Variants in SHC2 observed in about 807,000 individuals in gnomAD.
The protein encoded by SHC2 is SHC-transforming protein 2.
A neutral mutation model predicts 60.6 loss-of-function variants in SHC2; 62 were observed. The ratio of observed to expected loss-of-function variants is 1.02; its 90% confidence interval spans 0.83 to 1.26. The LOEUF is 1.26. Ranked by LOEUF, SHC2 falls within the 50% of genes most tolerant of loss-of-function variation. The probability of loss-of-function intolerance (pLI) is 0.00; values close to 1 mark genes in which losing one functional copy is unlikely to be tolerated. For missense variants in SHC2, 873 were observed against 822.2 expected (o/e 1.06, Z -0.76); for synonymous variants, 375 against 372.4 (o/e 1.01, Z -0.08).
rs1339771248 is a variant in SHC2 at position 440,808 on chromosome 19, G to T, written c.539+54C>A. 4 of 1,489,512 alleles carry T rather than the reference G, an allele frequency of 2.7e-6. No homozygotes were observed. The highest frequency in any genetic ancestry group is 2.8e-6 in the Non-Finnish European group (3 of 1,071,310). The allele number at this position is 1,489,512 out of a possible 1,614,324, so 92.3% of individuals were successfully genotyped here. A position where few individuals can be genotyped will look rare whatever the true frequency, so the allele number is the denominator to read the frequency against. ...ATCGCTGCCGCCCTCCAGTGCTGCC[G>T]CCCTCCAGTGCGTCACTCAGCCCTA... On this transcript the variant is annotated intron_variant, in intron 2 of 12. Transcript: ENST00000264554. This position sits in a 1 kb window ranked among gnomAD's most constrained non-coding sequence, Gnocchi z 7.0.
Position 425,017 on chromosome 19 carries a change from G to A in SHC2, c.1309+80C>T, listed in dbSNP as rs1974374446. 7.7e-7 allele frequency: 1 copy of A among 1,293,006 alleles called. No homozygotes were observed. 80.1% of individuals were successfully genotyped at this position (1,293,006 alleles called of 1,614,324 possible). A position where few individuals can be genotyped will look rare whatever the true frequency, so the allele number is the denominator to read the frequency against. On this transcript the variant is annotated intron_variant, in intron 10 of 12. Transcript: ENST00000264554. This position sits in a 1 kb window ranked among gnomAD's most constrained non-coding sequence, Gnocchi z 4.1. ...CCATCAGACCAGGGAATCCCGTAGG[G>A]AGTGGGGGTGGGGTTGTGCCTCCCC...
intron 4 of SHC2, 65 bp from the exon 5 acceptor site, chr19:436,748 T>A: frequency 6.8e-7 from 1 of 1,466,678 alleles, no homozygotes; most frequent in Non-Finnish European, 9.3e-7. Flanking sequence ...GCCCGGCAGA[T>A]GGACCAGGAC....
intron 1 of SHC2, among the ~76,000 whole-genome samples, chr19:448,584 T>C (rs1019127472): frequency 2.0e-5 from 3 of 152,182 alleles, no homozygotes; most frequent in South Asian, 2.1e-4. Context: ...ACGTGAGTTT[T>C]GGGGAACACC....
intron 1 of SHC2, among the ~76,000 whole-genome samples, chr19:455,289 T>C (rs1165104179): frequency 2.0e-5 from 3 of 152,012 alleles, no homozygotes; most frequent in Admixed American, 2.0e-4. Context: ...CCTAAAGGCA[T>C]CGCGAGTGCC....
At chr19:428,981 G>A (rs911295381) in intron 9 of SHC2, among the ~76,000 whole-genome samples, 11 of 150,516 alleles carry the variant, frequency 7.3e-5, no homozygotes, top group East Asian at 3.9e-4. Flanking sequence ...ACCTAACACC[G>A]TGTGGATGAC....
chr19:417,911 CG>C (rs1455048202), intron 12 of SHC2, among the ~76,000 whole-genome samples: 4 of 152,114 alleles, frequency 2.6e-5, no homozygotes, highest in Admixed American at 2.6e-4. Flanking sequence ...GACAGGAGAG[CG>C]GCCTGACCTG....
At chr19:435,144 C>T (rs984636140) in intron 7 of SHC2, among the ~76,000 whole-genome samples, 4 of 152,272 alleles carry the variant, frequency 2.6e-5, no homozygotes, top group Non-Finnish European at 5.9e-5. Flanking sequence ...CCTCCGGCCC[C>T]GCCCGGCAGC....
In SHC2 at chr19:440,632, G is replaced by A. The variant is rs528836608; in HGVS notation, c.539+230C>T. 1.8e-4 allele frequency among the ~76,000 whole-genome samples: 28 copies of A among 152,330 alleles called. No individual in the cohort carries two copies. Among genetic ancestry groups the A allele is most frequent in the Admixed American group, 5.9e-4 (9 of 15,298 alleles). On this transcript the variant is annotated intron_variant, in intron 2 of 12. Coordinates refer to ENST00000264554, the MANE Select transcript of SHC2 (RefSeq NM_012435.3). The surrounding 1 kb of genome is among the most constrained non-coding windows in gnomAD (Gnocchi z 7.0). Reference sequence around the variant, plus strand: ...GCCCAGCACCCTGTGAGCGACCGGCGTGTTCTTTCCATCTTAGAGGATCGA... The same window carrying A: ...GCCCAGCACCCTGTGAGCGACCGGCATGTTCTTTCCATCTTAGAGGATCGA...
intron 1 of SHC2, among the ~76,000 whole-genome samples, chr19:448,524 T>C (rs1007578166): frequency 3.3e-5 from 5 of 152,198 alleles, no homozygotes; most frequent in Admixed American, 6.5e-5. Flanking sequence ...AACTCCAGTG[T>C]GGCCTCATCT....
At chr19:443,093 G>C (rs1299627803) in intron 1 of SHC2, among the ~76,000 whole-genome samples, 1 of 149,970 alleles carries the variant, frequency 6.7e-6, no homozygotes, top group Non-Finnish European at 1.5e-5. Context: ...ATGGAGGGTG[G>C]ATGGATGGAC....
intron 1 of SHC2, among the ~76,000 whole-genome samples, chr19:455,823 C>T (rs749905137): frequency 3.3e-5 from 5 of 152,136 alleles, no homozygotes; most frequent in Admixed American, 2.6e-4. Flanking sequence ...CAGCCTCTTC[C>T]GGTCTCTCTC....
rs1367074646 is a variant in SHC2, at chr19:460,539, TAGG to T, written c.455_457del (p.Ser152del). ...GTGGGGGGGACTCACCCGCACGACG[TAGG>T]AGACCCCGGGCCCCAGGACCCTGGC... On this transcript the variant is annotated inframe_deletion, in exon 1 of 13. Coordinates refer to ENST00000264554, the MANE Select transcript of SHC2 (RefSeq NM_012435.3). 7.3e-7 allele frequency: 1 copy of T among 1,375,904 alleles called. No homozygotes were observed. The highest frequency in any genetic ancestry group is 1.5e-5 in the African/African-American group (1 of 65,530). 85.2% of individuals were successfully genotyped at this position (1,375,904 alleles called of 1,614,324 possible). A position where few individuals can be genotyped will look rare whatever the true frequency, so the allele number is the denominator to read the frequency against.
intron 2 of SHC2, among the ~76,000 whole-genome samples, chr19:439,748 A>G (rs1383029869): frequency 6.6e-6 from 1 of 151,966 alleles, no homozygotes; most frequent in Non-Finnish European, 1.5e-5. Flanking sequence ...AAATGCATGC[A>G]GGCGCGGCGG....
At chr19:417,480 G>C (rs748189579) in intron 12 of SHC2, among the ~76,000 whole-genome samples, 158 bp from the exon 13 acceptor site, 1 of 152,182 alleles carries the variant, frequency 6.6e-6, no homozygotes, top group East Asian at 1.9e-4. Flanking sequence ...CTGGGGCTCC[G>C]GTGCAGGTGT....
Position 438,651 on chromosome 19 carries a change from C to T in SHC2, c.720+67G>A. On this transcript the variant is annotated intron_variant, in intron 4 of 12. Coordinates refer to ENST00000264554, the MANE Select transcript of SHC2 (RefSeq NM_012435.3). The surrounding 1 kb of genome is among the most constrained non-coding windows in gnomAD (Gnocchi z 5.0). The stretch of plus-strand genomic sequence containing the variant: ...TGCCCGCCCCCAGCACCCCACCTGG[C>T]TTTGCCTCCTAGGACTCCTGGCCCC... 1 of 1,512,910 alleles carries T rather than the reference C, an allele frequency of 6.6e-7. No homozygotes were observed. The highest frequency in any genetic ancestry group is 8.9e-7 in the Non-Finnish European group (1 of 1,127,712). The allele number at this position is 1,512,910 out of a possible 1,614,324, so 93.7% of individuals were successfully genotyped here. A position where few individuals can be genotyped will look rare whatever the true frequency, so the allele number is the denominator to read the frequency against.
chr19:424,265 A>C lies in SHC2; in HGVS notation c.1309+832T>G, dbSNP rs1266248540. Among the ~76,000 whole-genome samples the C allele has an allele frequency of 6.6e-6, 1 of 152,142 alleles. No homozygotes were observed. The highest frequency in any genetic ancestry group is 1.5e-5 in the Non-Finnish European group (1 of 68,004). ...GGGGCTCCCTCGGGCTGGGTCATCC[A>C]CGGGGAAGGAAGGAACGGGCTCACC... On this transcript the variant is annotated intron_variant, in intron 10 of 12. Transcript: ENST00000264554. The surrounding 1 kb of genome is among the most constrained non-coding windows in gnomAD (Gnocchi z 4.5).
rs750884661 is a variant in SHC2, at chr19:422,499, C to G, written c.1310-43G>C. On this transcript the variant is annotated intron_variant, in intron 10 of 12. Coordinates refer to ENST00000264554, the MANE Select transcript of SHC2 (RefSeq NM_012435.3). This position sits in a 1 kb window ranked among gnomAD's most constrained non-coding sequence, Gnocchi z 5.0. ...GAGTGCTGGGCAGGCAGGGGGCAAG[C>G]AGCTACTCCTGCCGGGACCAGAGCT... is the stretch of plus-strand genomic sequence containing the variant. 2.2e-5 allele frequency: 31 copies of G among 1,440,102 alleles called. No homozygotes were observed. The East Asian group carries it at 7.7e-4, about 36-fold the overall frequency. 89.2% of individuals were successfully genotyped at this position (1,440,102 alleles called of 1,614,324 possible).
intron 1 of SHC2, among the ~76,000 whole-genome samples, chr19:457,911 G>C (rs1975393469): frequency 6.6e-6 from 1 of 152,254 alleles, no homozygotes; most frequent in African/African-American, 2.4e-5. Context: ...GACCCAACCA[G>C]GCCTGGCATC....
At chr19:448,870 C>A (rs138738517) in intron 1 of SHC2, among the ~76,000 whole-genome samples, 32 of 152,016 alleles carry the variant, frequency 2.1e-4, no homozygotes, top group African/African-American at 7.5e-4. Context: ...AGAGACAGGA[C>A]GGACGGGGCA....
Sources: allele counts gnomAD v4.1 joint callset (sites outside exome capture counted in the v4.1 genomes callset), GRCh38; gene constraint gnomAD v4.1.1; non-coding constraint Gnocchi (gnomAD v3.1); transcripts MANE v1.5; gene names NCBI Gene and HGNC (gene_info 2026-07-23, HGNC 2026-07-21).